The following FHIT variants were observed in gnomAD, a reference collection of about 807,000 sequenced individuals.
FHIT encodes the protein fragile histidine triad diadenosine triphosphatase.
FHIT carries 19 observed loss-of-function variants against 17.9 expected under a neutral mutation model. The ratio of observed to expected loss-of-function variants is 1.06; its 90% confidence interval spans 0.74 to 1.56. FHIT has a LOEUF of 1.56. Among genes scored for constraint, FHIT ranks in the 40% most tolerant of loss-of-function variants. The pLI is 0.00. For synonymous variants in FHIT, 81 were observed against 69.7 expected (o/e 1.16, Z -0.81); for missense variants, 248 against 189.2 (o/e 1.31, Z -1.82).
intron 4 of FHIT, among the ~76,000 whole-genome samples, chr3:60,764,727 A>T (rs1284842970): frequency 6.6e-6 from 1 of 151,436 alleles, no homozygotes; most frequent in African/African-American, 2.4e-5. Flanking sequence ...GAGATTATAG[A>T]TATATTAATA....
chr3:60,512,630 T>C (rs901844052), intron 5 of FHIT, among the ~76,000 whole-genome samples: 3 of 152,102 alleles, frequency 2.0e-5, no homozygotes, highest in African/African-American at 7.2e-5. Context: ...AACCAAATGG[T>C]GAAACTTGGC....
intron 2 of FHIT, among the ~76,000 whole-genome samples, chr3:61,049,655 T>C (rs576480447): frequency 3.3e-4 from 51 of 152,278 alleles, no homozygotes; most frequent in African/African-American, 1.2e-3. Context: ...CTAAAAAATC[T>C]CTATAAAATC....
intron 8 of FHIT, among the ~76,000 whole-genome samples, chr3:59,832,172 G>C (rs1341825007): frequency 1.3e-5 from 2 of 152,122 alleles, no homozygotes; most frequent in African/African-American, 2.4e-5. Context: ...GTGGTTGATT[G>C]TTGGAGCCAC....
At chr3:60,330,677 T>A (rs1172316870) in intron 5 of FHIT, among the ~76,000 whole-genome samples, 1 of 152,214 alleles carries the variant, frequency 6.6e-6, no homozygotes, top group African/African-American at 2.4e-5. Context: ...AAAAGATGTA[T>A]GTACAAGGTG....
intron 3 of FHIT, among the ~76,000 whole-genome samples, chr3:60,981,265 G>C (rs554121740): frequency 6.6e-6 from 1 of 150,892 alleles, no homozygotes; most frequent in African/African-American, 2.4e-5. Flanking sequence ...CTCTGACCAG[G>C]CCTTTTCTCC....
At chr3:60,438,454 C>G (rs886321823) in intron 5 of FHIT, among the ~76,000 whole-genome samples, 1 of 152,062 alleles carries the variant, frequency 6.6e-6, no homozygotes, top group Admixed American at 6.6e-5. Flanking sequence ...CTCATCCTTA[C>G]AAGCAGCCCA....
At chr3:61,007,417 T>G (rs2031524995) in intron 3 of FHIT, among the ~76,000 whole-genome samples, 3 of 152,202 alleles carry the variant, frequency 2.0e-5, no homozygotes, top group African/African-American at 7.2e-5. Context: ...GAGCAATAAA[T>G]TCATTAGGTT....
intron 5 of FHIT, among the ~76,000 whole-genome samples, chr3:60,154,625 G>T (rs903745730): frequency 6.6e-6 from 1 of 152,136 alleles, no homozygotes; most frequent in African/African-American, 2.4e-5. Context: ...CCTCATTAAT[G>T]CAAATATGCT....
intron 5 of FHIT, among the ~76,000 whole-genome samples, chr3:60,303,080 A>G (rs1181071031): frequency 2.0e-5 from 3 of 152,184 alleles, no homozygotes; most frequent in Non-Finnish European, 2.9e-5. Flanking sequence ...GTACATTTTA[A>G]AAATATTGTC....
intron 4 of FHIT, among the ~76,000 whole-genome samples, chr3:60,565,076 C>T (rs1349871432): frequency 6.6e-6 from 1 of 152,130 alleles, no homozygotes; most frequent in Non-Finnish European, 1.5e-5. Context: ...AACATTGAGG[C>T]AAGACCTTCC....
chr3:60,371,647 G>A (rs1193070848), intron 5 of FHIT, among the ~76,000 whole-genome samples: 1 of 152,062 alleles, frequency 6.6e-6, no homozygotes, highest in Non-Finnish European at 1.5e-5. Context: ...TCTGCTCTAT[G>A]ATGTAACTTA....
At chr3:60,436,621 G>C (rs1210364075) in intron 5 of FHIT, among the ~76,000 whole-genome samples, 2 of 152,036 alleles carry the variant, frequency 1.3e-5, no homozygotes, top group Non-Finnish European at 2.9e-5. Flanking sequence ...CATAAATCAA[G>C]TTGTTGGTTT....
chr3:61,069,184 A>G (rs996760215), intron 2 of FHIT, among the ~76,000 whole-genome samples: 1 of 152,188 alleles, frequency 6.6e-6, no homozygotes, highest in African/African-American at 2.4e-5. Flanking sequence ...TGAAAATGAT[A>G]GCCATGGTTT....
intron 5 of FHIT, among the ~76,000 whole-genome samples, chr3:60,469,295 CT>C (rs1243423833): frequency 6.6e-6 from 1 of 151,994 alleles, no homozygotes; most frequent in Non-Finnish European, 1.5e-5. Context: ...TTAGATTGCC[CT>C]TTTGAGGCTA....
At chr3:60,444,245 G>A (rs1402763485) in intron 5 of FHIT, among the ~76,000 whole-genome samples, 2 of 152,176 alleles carry the variant, frequency 1.3e-5, no homozygotes, top group African/African-American at 4.8e-5. Flanking sequence ...CATTGTTGGT[G>A]GGAATGTAAA....
intron 5 of FHIT, among the ~76,000 whole-genome samples, chr3:60,115,124 T>A (rs958459231): frequency 6.6e-6 from 1 of 152,162 alleles, no homozygotes; most frequent in Admixed American, 6.5e-5. Flanking sequence ...TTAAAATAGA[T>A]TTTAAGTATA....
intron 4 of FHIT, among the ~76,000 whole-genome samples, chr3:60,777,243 A>G (rs1185981279): frequency 1.3e-5 from 2 of 152,230 alleles, no homozygotes; most frequent in Admixed American, 1.3e-4. Flanking sequence ...ACATGTGCCC[A>G]AGGTGGTCAG....
intron 5 of FHIT, among the ~76,000 whole-genome samples, chr3:60,415,333 T>A (rs1308029923): frequency 6.6e-6 from 1 of 152,178 alleles, no homozygotes; most frequent in African/African-American, 2.4e-5. Flanking sequence ...GTTGATCATG[T>A]ACCAAATAAT....
At chr3:59,946,814 T>A (rs1051125384) in intron 7 of FHIT, among the ~76,000 whole-genome samples, 1 of 152,234 alleles carries the variant, frequency 6.6e-6, no homozygotes, top group Non-Finnish European at 1.5e-5. Flanking sequence ...TGAATCACAT[T>A]TATTGATTTG....
Sources: allele counts gnomAD v4.1 joint callset (sites outside exome capture counted in the v4.1 genomes callset), GRCh38; gene constraint gnomAD v4.1.1; transcripts MANE v1.5; gene names NCBI Gene and HGNC (gene_info 2026-07-23, HGNC 2026-07-21).